LAMC1: variants seen among roughly 807,000 people sequenced by gnomAD.
The protein encoded by LAMC1 is laminin subunit gamma-1.
LAMC1 carries 38 observed loss-of-function variants against 173.6 expected under a neutral mutation model. The observed-to-expected ratio is 0.22, with a 90% CI of 0.17 to 0.29. The LOEUF is 0.29. Ranked by LOEUF, LAMC1 falls within the 10% of genes least tolerant of loss-of-function variation. LAMC1 has a pLI of 1.00. For missense variants in LAMC1, 1,824 were observed against 2,051.8 expected (o/e 0.89, Z 2.14); for synonymous variants, 746 against 749.1 (o/e 1.00, Z 0.07).
chr1:183,087,150 A>G (rs1319854498), intron 1 of LAMC1, among the ~76,000 whole-genome samples: 1 of 152,088 alleles, frequency 6.6e-6, no homozygotes, highest in Non-Finnish European at 1.5e-5. Context: ...CCCTTATTTT[A>G]TCTATGTATC....
intron 1 of LAMC1, among the ~76,000 whole-genome samples, chr1:183,095,476 A>G (rs1161697358): frequency 1.3e-5 from 2 of 152,130 alleles, no homozygotes; most frequent in South Asian, 2.1e-4. Flanking sequence ...ACAATTACAC[A>G]TTTCTGAAAT....
chr1:183,061,351 A>G (rs1440491121), intron 1 of LAMC1, among the ~76,000 whole-genome samples: 1 of 142,806 alleles, frequency 7.0e-6, no homozygotes, highest in African/African-American at 2.5e-5. Context: ...TTTTGTCTTT[A>G]GATTTTTTGG....
intron 1 of LAMC1, among the ~76,000 whole-genome samples, chr1:183,049,627 C>G (rs969474605): frequency 3.3e-5 from 5 of 152,076 alleles, no homozygotes; most frequent in Non-Finnish European, 7.4e-5. Flanking sequence ...CCATGCCCAG[C>G]TCATTTTTGT....
At chr1:183,066,917 A>G (rs975147018) in intron 1 of LAMC1, among the ~76,000 whole-genome samples, 1 of 152,186 alleles carries the variant, frequency 6.6e-6, no homozygotes, top group Non-Finnish European at 1.5e-5. Flanking sequence ...GTACCTATGT[A>G]ACAAACCTGC....
rs1657228468 is a variant in LAMC1, at chr1:183,145,363, G to A, written c.*2573G>A. 1 of 152,588 alleles carries A rather than the reference G, an allele frequency of 6.6e-6. No homozygotes were observed. Among genetic ancestry groups the A allele is most frequent in the Admixed American group, 6.5e-5 (1 of 15,274 alleles). 9.5% of individuals were successfully genotyped at this position (152,588 alleles called of 1,614,324 possible). Reference sequence around the variant, plus strand: ...TAATGTAATTGACAGGATGGCTGCTGCAGAATGCTGGTTGACACAGGGATT... The same window carrying A: ...TAATGTAATTGACAGGATGGCTGCTACAGAATGCTGGTTGACACAGGGATT... On this transcript the variant is annotated 3_prime_UTR_variant, in exon 28 of 28. Coordinates refer to ENST00000258341, the MANE Select transcript of LAMC1 (RefSeq NM_002293.4).
intron 1 of LAMC1, among the ~76,000 whole-genome samples, chr1:183,073,622 T>C (rs375220794): frequency 6.6e-5 from 10 of 152,186 alleles, no homozygotes; most frequent in Admixed American, 6.5e-4. Context: ...GCCAGTTTGG[T>C]GTTACTCCCA....
At chr1:183,029,717 A>C (rs1404588097) in intron 1 of LAMC1, among the ~76,000 whole-genome samples, 1 of 152,192 alleles carries the variant, frequency 6.6e-6, no homozygotes, top group Non-Finnish European at 1.5e-5. Context: ...AGTCCCTATC[A>C]CATAGGATTA....
At chr1:183,036,771 T>G (rs1653996075) in intron 1 of LAMC1, among the ~76,000 whole-genome samples, 1 of 151,462 alleles carries the variant, frequency 6.6e-6, no homozygotes, top group African/African-American at 2.4e-5. Flanking sequence ...TTTCTTTTTT[T>G]GTTTTGTTTT....
Position 183,142,981 on chromosome 1 carries a change from G to A in LAMC1, c.*191G>A, listed in dbSNP as rs115744717. ...TAAACATCCTGAATCGGGAACAAAG[G>A]GTTTTATCTAATAAAGTGTCTCTTC... On this transcript the variant is annotated 3_prime_UTR_variant, in exon 28 of 28. Transcript: ENST00000258341. The A allele has an allele frequency of 1.2e-3, 717 of 583,314 alleles. 5 individuals are homozygous for A. The highest frequency in any genetic ancestry group is 0.012 in the African/African-American group (657 of 53,584). The allele number at this position is 583,314 out of a possible 1,614,324, so 36.1% of individuals were successfully genotyped here.
At chr1:183,064,373 G>A (rs1654814650) in intron 1 of LAMC1, among the ~76,000 whole-genome samples, 1 of 152,180 alleles carries the variant, frequency 6.6e-6, no homozygotes, top group Non-Finnish European at 1.5e-5. Flanking sequence ...TATAGCATGT[G>A]ACTGTATTGA....
chr1:183,114,414 A>G, intron 4 of LAMC1, 117 bp from the exon 5 acceptor site: 1 of 1,006,740 alleles, frequency 9.9e-7, no homozygotes, highest in East Asian at 2.4e-5. Context: ...AATCATTCTT[A>G]GTCTACCACC....
chr1:183,117,216 T>C, intron 8 of LAMC1, 104 bp from the exon 9 acceptor site: 5 of 1,257,690 alleles, frequency 4.0e-6, no homozygotes, highest in South Asian at 1.5e-5. Context: ...TTGATGCCTT[T>C]CTGTATACAA....
In LAMC1 at chr1:183,144,456, G is replaced by A. The variant is rs926140710; in HGVS notation, c.*1666G>A. On this transcript the variant is annotated 3_prime_UTR_variant, in exon 28 of 28. Coordinates refer to ENST00000258341, the MANE Select transcript of LAMC1 (RefSeq NM_002293.4). Reference sequence around the variant, plus strand: ...CCTCCCTTCTAGAATTCTTTGGATTGTACTCCAAAGAATTGTGCCTTGTGT... The same window carrying A: ...CCTCCCTTCTAGAATTCTTTGGATTATACTCCAAAGAATTGTGCCTTGTGT... The A allele has an allele frequency of 1.3e-5, 2 of 152,448 alleles. No homozygotes were observed. The highest frequency in any genetic ancestry group is 1.9e-4 in the East Asian group (1 of 5,170). The allele number at this position is 152,448 out of a possible 1,614,324, so 9.4% of individuals were successfully genotyped here. A position where few individuals can be genotyped will look rare whatever the true frequency, so the allele number is the denominator to read the frequency against.
chr1:183,059,900 G>A (rs1654698107), intron 1 of LAMC1, among the ~76,000 whole-genome samples: 1 of 152,166 alleles, frequency 6.6e-6, no homozygotes, highest in African/African-American at 2.4e-5. Flanking sequence ...TTATAGAGAT[G>A]TTGTAAAGAT....
chr1:183,127,495 C>A (rs989171116), intron 17 of LAMC1, 91 bp downstream of exon 17: 11 of 1,197,602 alleles, frequency 9.2e-6, no homozygotes, highest in Non-Finnish European at 1.2e-5. Context: ...AAGTGGTGAA[C>A]AAGGTAGATG....
intron 1 of LAMC1, among the ~76,000 whole-genome samples, chr1:183,094,881 C>G (rs1482700672): frequency 1.3e-5 from 2 of 152,084 alleles, no homozygotes; most frequent in African/African-American, 4.8e-5. Context: ...GAGCCTTGCT[C>G]TGTCACCCAA....
At chr1:183,038,941 GA>G (rs950331582) in intron 1 of LAMC1, among the ~76,000 whole-genome samples, 9 of 150,024 alleles carry the variant, frequency 6.0e-5, no homozygotes, top group South Asian at 4.3e-4. Context: ...AAAAAAAAAA[GA>G]AAAAAAGTTT....
chr1:183,065,050 A>T (rs1483620578), intron 1 of LAMC1, among the ~76,000 whole-genome samples: 1 of 148,692 alleles, frequency 6.7e-6, no homozygotes, highest in Non-Finnish European at 1.5e-5. Context: ...CTGGGAACTG[A>T]TTTTTTTTTT....
intron 1 of LAMC1, among the ~76,000 whole-genome samples, chr1:183,029,264 C>G (rs1270792025): frequency 6.6e-6 from 1 of 152,174 alleles, no homozygotes; most frequent in African/African-American, 2.4e-5. Flanking sequence ...GCTTATCTTT[C>G]TCTCCGTCCT....
Sources: allele counts gnomAD v4.1 joint callset (sites outside exome capture counted in the v4.1 genomes callset), GRCh38; gene constraint gnomAD v4.1.1; transcripts MANE v1.5; gene names NCBI Gene and HGNC (gene_info 2026-07-23, HGNC 2026-07-21).